SETD5: variants seen among roughly 807,000 people sequenced by gnomAD.
SETD5 encodes the protein histone-lysine N-methyltransferase SETD5.
A neutral mutation model predicts 153.3 loss-of-function variants in SETD5; 44 were observed. The observed-to-expected ratio is 0.29, with a 90% CI of 0.23 to 0.37. The LOEUF is 0.37. Ranked by LOEUF, SETD5 falls within the 10% of genes least tolerant of loss-of-function variation. The pLI, the probability that SETD5 is intolerant of heterozygous loss-of-function variation, is 1.00. For missense variants in SETD5, 1,544 were observed against 1,768.0 expected (o/e 0.87, Z 2.27); for synonymous variants, 716 against 645.2 (o/e 1.11, Z -1.66).
Position 9,442,082 on chromosome 3 carries a change from T to G in SETD5, c.960-46T>G, listed in dbSNP as rs760258451. The G allele has an allele frequency of 2.2e-6, 3 of 1,343,416 alleles. No individual in the cohort carries two copies. In the Admixed American group the frequency reaches 5.7e-5, roughly 25 times the overall value. 83.2% of individuals were successfully genotyped at this position (1,343,416 alleles called of 1,614,324 possible). On this transcript the variant is annotated intron_variant, in intron 9 of 22. Coordinates refer to ENST00000402198, the MANE Select transcript of SETD5 (RefSeq NM_001080517.3). ...TCATATTTGGAGTCATGGGGTGGCC[T>G]TCTTATTTGTGTTGAGAATTACAGG...
At chr3:9,441,570 G>A (rs1460899273) in intron 8 of SETD5, 23 bp from the exon 9 acceptor site, 1 of 1,612,348 alleles carries the variant, frequency 6.2e-7, no homozygotes, top group Admixed American at 1.7e-5. Flanking sequence ...GTTGTTTAAT[G>A]TTATTGCTCT....
At chr3:9,451,890 G>A (rs146435124) in intron 16 of SETD5, among the ~76,000 whole-genome samples, 11 of 152,300 alleles carry the variant, frequency 7.2e-5, no homozygotes, top group Admixed American at 2.0e-4. Context: ...TTTAATAGAG[G>A]TTCAGAGAAG....
intron 20 of SETD5, among the ~76,000 whole-genome samples, chr3:9,473,755 C>T (rs757713226): frequency 3.3e-5 from 5 of 152,170 alleles, no homozygotes; most frequent in Non-Finnish European, 5.9e-5. Context: ...GCCTGTGGAG[C>T]AGTGCTTTGG....
rs747960412 is a variant in SETD5 at position 9,464,495 on chromosome 3, G to C, written c.2547G>C (p.Arg849=). ...AGCAGAATGTCACCAAGTTACTTCG[G>C]CCTCTGTCTCCAGTCACACCACCCC... is the stretch of plus-strand genomic sequence containing the variant. ...LMEQNVTKLL[R]PLSPVTPPPP... The change falls in exon 18 of 23, where the codon CGG becomes CGC. Residue 849 remains arginine, a synonymous_variant. Transcript: ENST00000402198. 1 of 1,613,950 alleles carries C rather than the reference G, an allele frequency of 6.2e-7. No homozygotes were observed. The highest frequency in any genetic ancestry group is 8.5e-7 in the Non-Finnish European group (1 of 1,179,864).
At chr3:9,442,010 A>G in intron 9 of SETD5, 118 bp from the exon 10 acceptor site, 2 of 759,392 alleles carry the variant, frequency 2.6e-6, no homozygotes, top group Admixed American at 4.9e-5. Flanking sequence ...TGCTTTCCCA[A>G]GTTTAGGCGT....
In SETD5 at chr3:9,434,527, G is replaced by T. The variant is rs1355350071; in HGVS notation, c.329+42G>T. 6.2e-7 allele frequency: 1 copy of T among 1,611,298 alleles called. No homozygotes were observed. Among genetic ancestry groups the T allele is most frequent in the Non-Finnish European group, 8.5e-7 (1 of 1,178,334 alleles). On this transcript the variant is annotated intron_variant, in intron 5 of 22. Transcript: ENST00000402198. The surrounding 1 kb of genome is among the most constrained non-coding windows in gnomAD (Gnocchi z 5.6). ...TCTAAATTTAAGTCTGGGTTGCTGGGATTAGGGTTTCTTACAAGTAGGGAA... is the reference window on the plus strand; with the variant it reads ...TCTAAATTTAAGTCTGGGTTGCTGGTATTAGGGTTTCTTACAAGTAGGGAA...
chr3:9,442,017 G>A (rs763835639), intron 9 of SETD5, 111 bp from the exon 10 acceptor site: 28 of 773,252 alleles, frequency 3.6e-5, no homozygotes, highest in Middle Eastern at 5.8e-4. Context: ...CCAAGTTTAG[G>A]CGTTGCAAAA....
At chr3:9,428,666 A>G (rs2039605792) in intron 2 of SETD5, among the ~76,000 whole-genome samples, 157 bp from the exon 3 acceptor site, 1 of 152,242 alleles carries the variant, frequency 6.6e-6, no homozygotes, top group Admixed American at 6.5e-5. Flanking sequence ...AATGCATAGT[A>G]AACATGGGAC....
At chr3:9,457,856 A>G (rs1225202913) in intron 17 of SETD5, among the ~76,000 whole-genome samples, 1 of 150,796 alleles carries the variant, frequency 6.6e-6, no homozygotes, top group Non-Finnish European at 1.5e-5. Context: ...CTGTCTTTAT[A>G]TAGTTCCCAT....
At chr3:9,433,709 G>A in intron 3 of SETD5, 136 bp from the exon 4 acceptor site, 1 of 954,874 alleles carries the variant, frequency 1.0e-6, no homozygotes, top group African/African-American at 1.6e-5. Flanking sequence ...TAATAAGATT[G>A]TTTCACCGAG....
At position 9,460,384 on chromosome 3, in the gene SETD5, T is replaced by G. The variant is rs565156616; in HGVS notation, c.2477-4041T>G. On this transcript the variant is annotated intron_variant, in intron 17 of 22. Transcript: ENST00000402198. ...ATGCCATGTTCCTGGGTAAGAATGC[T>G]TCTCAAATTACTCCTGAATTTCATC... is the stretch of plus-strand genomic sequence containing the variant. Among the ~76,000 whole-genome samples, 4 of 151,900 alleles carry G rather than the reference T, an allele frequency of 2.6e-5. No homozygotes were observed. The South Asian group carries it at 8.3e-4, about 32-fold the overall frequency.
At chr3:9,445,965 G>GTTTCTTTTTTTTTTTTTTTTTTTTTTTT (rs2041909659) in intron 13 of SETD5, among the ~76,000 whole-genome samples, 1 of 86,476 alleles carries the variant, frequency 1.2e-5, no homozygotes, top group African/African-American at 4.7e-5. Context: ...TGAAGAGGTT[G>GTTTCTTTTTTTTTTTTTTTTTTTTTTTT]TTTTTTTTTT....
At chr3:9,439,215 T>G (rs919419605) in intron 7 of SETD5, among the ~76,000 whole-genome samples, 1 of 152,240 alleles carries the variant, frequency 6.6e-6, no homozygotes, top group Admixed American at 6.5e-5. Context: ...ATTGTCAGTA[T>G]GTTGGCTTTA....
intron 1 of SETD5, among the ~76,000 whole-genome samples, chr3:9,419,918 A>G (rs144959950): frequency 1.7e-3 from 263 of 152,328 alleles, no homozygotes; most frequent in African/African-American, 6.1e-3. Flanking sequence ...GTGTAGAGAT[A>G]TGAGAAGTTC....
chr3:9,470,520 G>A lies in SETD5; in HGVS notation c.2786G>A (p.Ser929Asn), dbSNP rs2045185717. ...GGATACCTTGACTCCAACACTAACAGCTGTGCTGATAGACCTTCCCTACTC... is the reference window on the plus strand; with the variant it reads ...GGATACCTTGACTCCAACACTAACAACTGTGCTGATAGACCTTCCCTACTC... ...KVGYLDSNTN[S>N]CADRPSLLNS... The change falls in exon 19 of 23, where the codon AGC (serine) becomes AAC (asparagine). Residue 929 changes from serine to asparagine, a missense_variant. By Grantham distance (46) the Ser-to-Asn change is conservative (BLOSUM62 1). Transcript: ENST00000402198. 3 of 1,613,954 alleles carry A rather than the reference G, an allele frequency of 1.9e-6. No homozygotes were observed. Among genetic ancestry groups the A allele is most frequent in the East Asian group, 2.2e-5 (1 of 44,884 alleles).
intron 15 of SETD5, 91 bp from the exon 16 acceptor site, chr3:9,448,294 TCTC>T: frequency 6.7e-7 from 1 of 1,500,476 alleles, no homozygotes; most frequent in Non-Finnish European, 8.9e-7. Context: ...AGCTGCTGCA[TCTC>T]CTCCTGTCCT....
intron 1 of SETD5, among the ~76,000 whole-genome samples, chr3:9,411,453 G>A (rs544486408): frequency 2.0e-5 from 3 of 152,094 alleles, no homozygotes; most frequent in Non-Finnish European, 2.9e-5. Flanking sequence ...TCAGCAATAC[G>A]TCACTTTCTA....
At chr3:9,464,742 T>C (rs906002165) in intron 18 of SETD5, 70 bp downstream of exon 18, 1 of 1,603,958 alleles carries the variant, frequency 6.2e-7, no homozygotes, top group Non-Finnish European at 8.5e-7. Flanking sequence ...ATTTCAAATA[T>C]AATACCATTC....
intron 19 of SETD5, among the ~76,000 whole-genome samples, chr3:9,472,990 A>G (rs2045488049): frequency 6.6e-6 from 1 of 152,236 alleles, no homozygotes; most frequent in African/African-American, 2.4e-5. Context: ...AACATTCTTT[A>G]GAGACTTGCC....
Sources: gnomAD v4.1 joint callset for allele counts (sites outside exome capture counted in the v4.1 genomes callset) on GRCh38, gnomAD v4.1.1 for gene constraint, Gnocchi (gnomAD v3.1) non-coding constraint, MANE v1.5 for transcripts, NCBI Gene and HGNC (gene_info 2026-07-23, HGNC 2026-07-21) for gene names.